Variants in TNS4 observed in about 807,000 individuals in gnomAD.
The protein encoded by TNS4 is tensin 4.
TNS4 carries 46 observed loss-of-function variants against 70.4 expected under a neutral mutation model. The observed-to-expected ratio is 0.65, with a 90% CI of 0.52 to 0.84. The LOEUF (loss-of-function observed/expected upper bound fraction) is 0.84, where lower values mean the gene tolerates loss of function less well. Among genes scored for constraint, TNS4 ranks in the 40% least tolerant of loss-of-function variants. TNS4 has a pLI of 0.00. For missense variants in TNS4, 863 were observed against 907.0 expected, an observed-to-expected ratio of 0.95 and a Z score of 0.62; for synonymous variants, 390 against 366.6, an observed-to-expected ratio of 1.06 and a Z score of -0.73.
At chr17:40,479,641 C>T (rs2035894968) in intron 10 of TNS4, 33 bp downstream of exon 10, 1 of 1,599,824 alleles carries the variant, frequency 6.3e-7, no homozygotes, top group Non-Finnish European at 8.5e-7. Context: ...ACTCCGCCAG[C>T]CCCGGAGCCC....
chr17:40,498,573 T>G (rs1282591182), intron 1 of TNS4, among the ~76,000 whole-genome samples: 2 of 152,204 alleles, frequency 1.3e-5, no homozygotes, highest in African/African-American at 4.8e-5. Context: ...TTTTTTTTTC[T>G]TGAGACAAGG....
Position 40,499,447 on chromosome 17 carries a change from C to A in TNS4, c.-96+2087G>T, listed in dbSNP as rs559164376. On this transcript the variant is annotated intron_variant, in intron 1 of 12. Coordinates refer to ENST00000254051, the MANE Select transcript of TNS4 (RefSeq NM_032865.6). ...TGTCTGAGGAGTTTTGTCTGCGGCT[C>A]GTCCTGCTACAATGCCACATGGAAT... 2.6e-5 allele frequency among the ~76,000 whole-genome samples: 4 copies of A among 152,276 alleles called. No homozygotes were observed. The South Asian group carries it at 8.3e-4, about 32-fold the overall frequency.
chr17:40,483,765 G>C (rs928506506), intron 6 of TNS4, among the ~76,000 whole-genome samples: 1 of 152,206 alleles, frequency 6.6e-6, no homozygotes, highest in Non-Finnish European at 1.5e-5. Flanking sequence ...AGAACACAAG[G>C]CTGGGTGTTT....
In TNS4 at chr17:40,488,837, G is replaced by A; in HGVS notation, c.572C>T (p.Pro191Leu). 1 of 1,613,516 alleles carries A rather than the reference G, an allele frequency of 6.2e-7. No homozygotes were observed. ...SGGLLLSRDV[P>L]RETRSSSESL... ...CTCACTGCTGCTTCGTGTCTCTCGG[G>A]GGACGTCTCTGGAAAGGAGGAGGCC... Residue 191 changes from proline to leucine, a missense_variant, in exon 3 of 13, where the codon CCC (proline) becomes CTC (leucine). Physicochemically the swap from Pro to Leu is moderately conservative, Grantham distance 98 (BLOSUM62 -3). Transcript: ENST00000254051.
At chr17:40,487,601 C>T in intron 3 of TNS4, 141 bp from the exon 4 acceptor site, 1 of 781,268 alleles carries the variant, frequency 1.3e-6, no homozygotes. Context: ...CTACAGCCCA[C>T]AGCAAAGTGC....
intron 9 of TNS4, among the ~76,000 whole-genome samples, chr17:40,480,383 T>C (rs564893554): frequency 2.8e-4 from 43 of 152,144 alleles, no homozygotes; most frequent in Admixed American, 6.5e-4. Flanking sequence ...CAGAACCACC[T>C]CTAGGGCAGG....
chr17:40,481,345 CTT>C (rs1045330571), intron 8 of TNS4, among the ~76,000 whole-genome samples: 37 of 152,138 alleles, frequency 2.4e-4, no homozygotes, highest in African/African-American at 7.2e-4. Context: ...TTCCTTCCTT[CTT>C]TCTCTCTTTC....
chr17:40,494,526 G>A (rs1597700089), intron 2 of TNS4, among the ~76,000 whole-genome samples: 2 of 152,176 alleles, frequency 1.3e-5, no homozygotes, highest in African/African-American at 4.8e-5. Context: ...GAGCTCAGGA[G>A]TTCGAGACCA....
At chr17:40,482,600 AC>A in intron 6 of TNS4, among the ~76,000 whole-genome samples, 184 bp from the exon 7 acceptor site, 1 of 151,462 alleles carries the variant, frequency 6.6e-6, no homozygotes, top group Non-Finnish European at 1.5e-5. Flanking sequence ...ACACACACAC[AC>A]ACACACACAC....
Position 40,483,591 on chromosome 17 carries a change from G to A in TNS4, c.1501+893C>T, listed in dbSNP as rs560883679. On this transcript the variant is annotated intron_variant, in intron 6 of 12. Coordinates refer to ENST00000254051, the MANE Select transcript of TNS4 (RefSeq NM_032865.6). Reference sequence around the variant, plus strand: ...ACCAGGTCATCTCTGCTGGAGCCACGCTGGCCCCGGGGGTGGGGAGGTGAA... The same window carrying A: ...ACCAGGTCATCTCTGCTGGAGCCACACTGGCCCCGGGGGTGGGGAGGTGAA... Among the ~76,000 whole-genome samples, 12 of 152,230 alleles carry A rather than the reference G, an allele frequency of 7.9e-5. No individual in the cohort carries two copies. In the East Asian group the frequency reaches 9.7e-4, roughly 12 times the overall value.
intron 2 of TNS4, among the ~76,000 whole-genome samples, chr17:40,489,307 G>T (rs8081819): frequency 0.29 from 44,155 of 151,942 alleles, 6,629 homozygotes; most frequent in South Asian, 0.41. Context: ...GTAAAGTGGG[G>T]CAACTGCATT....
At chr17:40,498,020 C>T (rs886464803) in intron 1 of TNS4, among the ~76,000 whole-genome samples, 3 of 152,176 alleles carry the variant, frequency 2.0e-5, no homozygotes, top group Admixed American at 1.3e-4. Flanking sequence ...GGGACTGAGG[C>T]TGCCAAGAAA....
chr17:40,482,381 T>G lies in TNS4; in HGVS notation c.1537A>C (p.Ile513Leu), dbSNP rs2035934079. 1 of 1,614,000 alleles carries G rather than the reference T, an allele frequency of 6.2e-7. No individual in the cohort carries two copies. The highest frequency in any genetic ancestry group is 1.3e-5 in the African/African-American group (1 of 75,008). ...TGCACTCCTTTGGCAGACGACTCGA[T>G]GAGGAAGTGTCGGATGAGGTCATTG... ...DSNDLIRHFLIESSAKGVHLK... is the reference protein window; with the variant it reads ...DSNDLIRHFLLESSAKGVHLK... Residue 513 changes from isoleucine (I) to leucine (L), a missense_variant, in exon 7 of 13, where the codon ATC becomes CTC. Physicochemically the swap from Ile to Leu is conservative, Grantham distance 5. Coordinates refer to ENST00000254051, the MANE Select transcript of TNS4 (RefSeq NM_032865.6).
chr17:40,478,757 G>T, intron 10 of TNS4, 109 bp from the exon 11 acceptor site: 2 of 1,295,732 alleles, frequency 1.5e-6, no homozygotes, highest in South Asian at 1.3e-5. Context: ...CCTCCAAGAA[G>T]TCTCTGGGTT....
At chr17:40,477,927 G>A in intron 12 of TNS4, 198 bp from the exon 13 acceptor site, 1 of 615,346 alleles carries the variant, frequency 1.6e-6, no homozygotes, top group South Asian at 2.0e-5. Flanking sequence ...AGATTTCTGA[G>A]TTCAAGCTCT....
At position 40,487,206 on chromosome 17, in the gene TNS4, G is replaced by C. The variant is rs913679820; in HGVS notation, c.1118C>G (p.Pro373Arg). The C allele has an allele frequency of 6.2e-7, 1 of 1,614,168 alleles. No homozygotes were observed. The highest frequency in any genetic ancestry group is 8.5e-7 in the Non-Finnish European group (1 of 1,180,028). Residue 373 changes from proline to arginine, a missense_variant, in exon 4 of 13, where the codon CCC (proline) becomes CGC (arginine). By Grantham distance (103) the Pro-to-Arg change is moderately radical. Transcript: ENST00000254051. ...PSITNSMVDIPIVLINGCPEP... is the reference protein window; with the variant it reads ...PSITNSMVDIRIVLINGCPEP... ...TGGGCAGCCGTTGATCAGCACAATG[G>C]GTATGTCCACCATGGAGTTGGTGAT...
chr17:40,483,692 C>T (rs2035955828), intron 6 of TNS4, among the ~76,000 whole-genome samples: 1 of 152,156 alleles, frequency 6.6e-6, no homozygotes, highest in Non-Finnish European at 1.5e-5. Context: ...TGCAAGGCGT[C>T]CTTTATAAGT....
rs1307764490 is a variant in TNS4 at position 40,477,623 on chromosome 17, C to T, written c.2113G>A (p.Val705Met). ...TCTGCGTCCTGCAGCAGAGCAGTCA[C>T]CAGGCCGATGACCTGCGAGGCTGGC... ...VQPASQVIGL[V>M]TALLQDAERM The change falls in exon 13 of 13, where the codon GTG (valine) becomes ATG (methionine). Residue 705 changes from valine (V) to methionine (M), a missense_variant. Transcript: ENST00000254051. 3 of 1,614,156 alleles carry T rather than the reference C, an allele frequency of 1.9e-6. No homozygotes were observed. The highest frequency in any genetic ancestry group is 8.5e-7 in the Non-Finnish European group (1 of 1,180,026).
In TNS4 at chr17:40,482,189, C is replaced by T. The variant is rs201890192; in HGVS notation, c.1612G>A (p.Val538Met). 2.2e-5 allele frequency: 35 copies of T among 1,614,038 alleles called. No homozygotes were observed. The highest frequency in any genetic ancestry group is 2.0e-4 in the African/African-American group (15 of 74,916). The part of the protein sequence containing the change: ...EPYFGSLSAF[V>M]CQHSIMALAL... ...AGGGCCATGATGGAATGCTGGCACA[C>T]GAAGGCAGAGAGGCTCCCTGAAAGG... is the stretch of plus-strand genomic sequence containing the variant. The change falls in exon 8 of 13, where the codon GTG (valine) becomes ATG (methionine). Residue 538 changes from valine (V) to methionine (M), a missense_variant. Transcript: ENST00000254051.
Sources: gnomAD v4.1 joint callset for allele counts (sites outside exome capture counted in the v4.1 genomes callset) on GRCh38, gnomAD v4.1.1 for gene constraint, MANE v1.5 for transcripts, NCBI Gene and HGNC (gene_info 2026-07-23, HGNC 2026-07-21) for gene names.